Variants in SGCZ observed in about 807,000 individuals in gnomAD.
The protein encoded by SGCZ is sarcoglycan zeta, also known as zeta-sarcoglycan.
A neutral mutation model predicts 41.3 loss-of-function variants in SGCZ; 40 were observed. The observed-to-expected ratio is 0.97, with a 90% CI of 0.75 to 1.26. SGCZ has a LOEUF of 1.26. Ranked by LOEUF, SGCZ falls within the 50% of genes most tolerant of loss-of-function variation. The pLI is 0.00. For missense variants in SGCZ, 552 were observed against 369.8 expected (o/e 1.49, Z -4.04); for synonymous variants, 206 against 137.5 (o/e 1.50, Z -3.49).
chr8:14,371,916 T>C (rs973332596), intron 2 of SGCZ, among the ~76,000 whole-genome samples: 29 of 152,048 alleles, frequency 1.9e-4, no homozygotes, highest in Non-Finnish European at 2.9e-5. Context: ...GAGATCAATA[T>C]AGGCTGGAAT....
intron 1 of SGCZ, among the ~76,000 whole-genome samples, chr8:14,674,747 G>A (rs952172235): frequency 6.6e-6 from 1 of 151,522 alleles, no homozygotes; most frequent in Non-Finnish European, 1.5e-5. Context: ...GTTCTCAAGA[G>A]ATCTGATCAT....
At chr8:14,336,822 G>C (rs12386975) in intron 2 of SGCZ, among the ~76,000 whole-genome samples, 10,120 of 152,130 alleles carry the variant, frequency 0.067, 612 homozygotes, top group African/African-American at 0.16. Context: ...TTCTTCTGTT[G>C]TGCTCCTTAC....
chr8:14,933,332 C>T (rs6987415), intron 1 of SGCZ, among the ~76,000 whole-genome samples: 3,637 of 151,902 alleles, frequency 0.024, 189 homozygotes, highest in African/African-American at 0.084. Flanking sequence ...GAAAACAGGG[C>T]TCATCTAAGG....
In SGCZ at chr8:14,085,618, C is replaced by T. The variant is rs1007226556; in HGVS notation, c.*4825G>A. The stretch of plus-strand genomic sequence containing the variant: ...CAAATTTTATTCTCCAAATAGTGTT[C>T]AGCAAGCAGTGAAAGTTGAAACTCA... On this transcript the variant is annotated 3_prime_UTR_variant, in exon 8 of 8. Coordinates refer to ENST00000382080, the MANE Select transcript of SGCZ (RefSeq NM_139167.4). 2.0e-4 allele frequency among the ~76,000 whole-genome samples: 30 copies of T among 151,796 alleles called. No homozygotes were observed. Among genetic ancestry groups the T allele is most frequent in the African/African-American group, 7.0e-4 (29 of 41,392 alleles).
At chr8:14,622,552 T>C (rs1451333722) in intron 1 of SGCZ, among the ~76,000 whole-genome samples, 1 of 152,228 alleles carries the variant, frequency 6.6e-6, no homozygotes, top group East Asian at 1.9e-4. Flanking sequence ...TTGCTGTTTA[T>C]GATTTTTCAT....
At chr8:14,200,905 T>G (rs1330327419) in intron 4 of SGCZ, among the ~76,000 whole-genome samples, 1 of 152,122 alleles carries the variant, frequency 6.6e-6, no homozygotes, top group Admixed American at 6.5e-5. Flanking sequence ...CTGATAAACT[T>G]GGCCTCAAAG....
rs1023271761 is a variant in SGCZ, at chr8:14,089,279, T to C, written c.*1164A>G. Among the ~76,000 whole-genome samples the C allele has an allele frequency of 7.2e-5, 11 of 152,114 alleles. No individual in the cohort carries two copies. The highest frequency in any genetic ancestry group is 2.6e-4 in the African/African-American group (11 of 41,544). ...GACTAAATTCCCTAAAATATGAATG[T>C]AGTGAAGTAAACACATTTTCAATAT... On this transcript the variant is annotated 3_prime_UTR_variant, in exon 8 of 8. Coordinates refer to ENST00000382080, the MANE Select transcript of SGCZ (RefSeq NM_139167.4).
rs909685773 is a variant in SGCZ, at chr8:14,622,747, G to A, written c.40-67821C>T. 7.2e-5 allele frequency among the ~76,000 whole-genome samples: 11 copies of A among 152,266 alleles called. No individual in the cohort carries two copies. The East Asian group carries it at 2.1e-3, about 29-fold the overall frequency. On this transcript the variant is annotated intron_variant, in intron 1 of 7. Transcript: ENST00000382080. ...GAATGGTGTAAAAATTGTATATGAG[G>A]AAACCAGAAGACTAAGGGTGCCAAT...
chr8:14,794,408 T>C (rs970217308), intron 1 of SGCZ, among the ~76,000 whole-genome samples: 3 of 152,066 alleles, frequency 2.0e-5, no homozygotes, highest in African/African-American at 7.2e-5. Flanking sequence ...TGTTAGAAAC[T>C]CAAAATATTT....
At chr8:14,738,056 G>T (rs1422263773) in intron 1 of SGCZ, among the ~76,000 whole-genome samples, 1 of 151,984 alleles carries the variant, frequency 6.6e-6, no homozygotes, top group Non-Finnish European at 1.5e-5. Context: ...ATAAATCCTG[G>T]CGTTCGCACT....
intron 1 of SGCZ, among the ~76,000 whole-genome samples, chr8:14,846,547 T>C (rs1320199133): frequency 6.6e-6 from 1 of 151,890 alleles, no homozygotes; most frequent in Non-Finnish European, 1.5e-5. Context: ...TATGAACAAC[T>C]TTATACCAAT....
In SGCZ at chr8:14,784,157, C is replaced by G. The variant is rs1299457547; in HGVS notation, c.40-229231G>C. Among the ~76,000 whole-genome samples, 2 of 150,134 alleles carry G rather than the reference C, an allele frequency of 1.3e-5. 1 individual carries two copies. The highest frequency in any genetic ancestry group is 4.4e-4 in the South Asian group (2 of 4,592). ...ACTTGACCTCGCAGGCTCAATATAT[C>G]CTCTTCTCTCAGCCTCCCTAGTAGC... is the stretch of plus-strand genomic sequence containing the variant. On this transcript the variant is annotated intron_variant, in intron 1 of 7. Transcript: ENST00000382080.
At chr8:14,823,358 T>C (rs1313101358) in intron 1 of SGCZ, among the ~76,000 whole-genome samples, 2 of 152,004 alleles carry the variant, frequency 1.3e-5, no homozygotes, top group East Asian at 1.9e-4. Context: ...ATCCAGAATA[T>C]GTAAAGAATT....
At chr8:14,257,975 T>C (rs925453346) in intron 3 of SGCZ, among the ~76,000 whole-genome samples, 1 of 152,166 alleles carries the variant, frequency 6.6e-6, no homozygotes. Flanking sequence ...TTTGCTGCAG[T>C]GTCTCGAAGC....
chr8:15,227,377 G>T (rs1337306868), intron 1 of SGCZ, among the ~76,000 whole-genome samples: 1 of 152,138 alleles, frequency 6.6e-6, no homozygotes, highest in Non-Finnish European at 1.5e-5. Context: ...TATTTTGAAA[G>T]TTAAATTCTT....
intron 3 of SGCZ, among the ~76,000 whole-genome samples, chr8:14,301,750 T>C (rs575537598): frequency 6.6e-6 from 1 of 152,174 alleles, no homozygotes; most frequent in South Asian, 2.1e-4. Context: ...TTTGGAAACA[T>C]GAAACTGACT....
intron 1 of SGCZ, among the ~76,000 whole-genome samples, chr8:14,908,261 G>A (rs1799176659): frequency 6.6e-6 from 1 of 152,148 alleles, no homozygotes. Context: ...AAAATGTTCA[G>A]TAAACTTGGA....
intron 2 of SGCZ, among the ~76,000 whole-genome samples, chr8:14,415,508 T>G (rs573260465): frequency 6.6e-6 from 1 of 151,994 alleles, no homozygotes; most frequent in African/African-American, 2.4e-5. Flanking sequence ...AAATAAAGCG[T>G]TAAGTCAGAA....
At chr8:14,595,763 G>A (rs1185927413) in intron 1 of SGCZ, among the ~76,000 whole-genome samples, 2 of 152,118 alleles carry the variant, frequency 1.3e-5, no homozygotes, top group Admixed American at 1.3e-4. Flanking sequence ...TTCCATAATA[G>A]CTTACAGGGA....
Sources: gnomAD v4.1 joint callset for allele counts (sites outside exome capture counted in the v4.1 genomes callset) on GRCh38, gnomAD v4.1.1 for gene constraint, MANE v1.5 for transcripts, NCBI Gene and HGNC (gene_info 2026-07-23, HGNC 2026-07-21) for gene names.